Variants in ATP9B observed in about 807,000 individuals in gnomAD.
ATP9B encodes probable phospholipid-transporting ATPase IIB.
In ATP9B, 110 loss-of-function variants were observed where a neutral mutation model predicts 146.1. That is an observed-to-expected ratio of 0.75 (90% CI 0.65 to 0.88). The LOEUF is 0.88. ATP9B is among the 40% of genes least tolerant of loss of function. The probability of loss-of-function intolerance (pLI) is 0.00; values close to 1 mark genes in which losing one functional copy is unlikely to be tolerated. For synonymous variants in ATP9B, 604 were observed against 569.7 expected, an observed-to-expected ratio of 1.06 and a Z score of -0.86; for missense variants, 1,499 against 1,496.4, an observed-to-expected ratio of 1.00 and a Z score of -0.03.
chr18:79,285,517 G>T (rs1206325235), intron 13 of ATP9B, among the ~76,000 whole-genome samples: 1 of 151,990 alleles, frequency 6.6e-6, no homozygotes, highest in African/African-American at 2.4e-5. Context: ...CTGGATATTA[G>T]CCCTTTGTCA....
intron 10 of ATP9B, among the ~76,000 whole-genome samples, chr18:79,207,478 G>C (rs2095545460): frequency 6.6e-6 from 1 of 152,228 alleles, no homozygotes. Context: ...GACGATGTCA[G>C]ATGATTACCA....
intron 15 of ATP9B, among the ~76,000 whole-genome samples, chr18:79,319,465 G>T (rs994471474): frequency 6.6e-6 from 1 of 151,662 alleles, no homozygotes; most frequent in South Asian, 2.1e-4. Flanking sequence ...TTCCATAGGG[G>T]CCCCCGCCTC....
At chr18:79,311,789 C>T (rs2096653801) in intron 15 of ATP9B, among the ~76,000 whole-genome samples, 3 of 152,156 alleles carry the variant, frequency 2.0e-5, no homozygotes, top group East Asian at 1.9e-4. Context: ...TACAGTCCGT[C>T]GCCTTCCTAT....
chr18:79,096,715 A>AAG, intron 2 of ATP9B, 66 bp downstream of exon 2: 1 of 1,284,852 alleles, frequency 7.8e-7, no homozygotes, highest in Non-Finnish European at 1.1e-6. Flanking sequence ...AGCTTCTAAT[A>AAG]TACTTATTAG....
At chr18:79,278,526 C>A (rs2096339901) in intron 13 of ATP9B, among the ~76,000 whole-genome samples, 2 of 152,100 alleles carry the variant, frequency 1.3e-5, no homozygotes, top group Non-Finnish European at 2.9e-5. Flanking sequence ...CATTAATAAC[C>A]CCATCATAAG....
At chr18:79,234,813 T>G (rs190371284) in intron 11 of ATP9B, among the ~76,000 whole-genome samples, 27 of 152,356 alleles carry the variant, frequency 1.8e-4, no homozygotes, top group African/African-American at 6.3e-4. Flanking sequence ...TTCAGCTCTA[T>G]GTATAAGATT....
Position 79,191,657 on chromosome 18 carries a change from T to G in ATP9B, c.874-1526T>G, listed in dbSNP as rs541081634. On this transcript the variant is annotated intron_variant, in intron 8 of 29. Coordinates refer to ENST00000426216, the MANE Select transcript of ATP9B (RefSeq NM_198531.5). ...ATTTTGGAATTTCCATGTGCTTCTC[T>G]GTTCTTAAATACACTTTCTCTTTCT... is the stretch of plus-strand genomic sequence containing the variant. Among the ~76,000 whole-genome samples, 674 of 152,368 alleles carry G rather than the reference T, an allele frequency of 4.4e-3. 3 individuals carry two copies. Among genetic ancestry groups the G allele is most frequent in the Non-Finnish European group, 6.4e-3 (436 of 68,042 alleles).
At chr18:79,251,866 A>G (rs1012126895) in intron 11 of ATP9B, among the ~76,000 whole-genome samples, 2 of 152,132 alleles carry the variant, frequency 1.3e-5, no homozygotes, top group Admixed American at 6.5e-5. Context: ...CTCCTTTTCA[A>G]AAGTTGTTCC....
At chr18:79,268,541 TCTTAA>T (rs1324892551) in intron 12 of ATP9B, among the ~76,000 whole-genome samples, 3 of 152,186 alleles carry the variant, frequency 2.0e-5, no homozygotes, top group East Asian at 1.9e-4. Context: ...TTAAAAACCT[TCTTAA>T]CTTATCAGAG....
chr18:79,086,561 A>G (rs1321047750), intron 1 of ATP9B: 2 of 150,314 alleles, frequency 1.3e-5, no homozygotes, highest in African/African-American at 2.4e-5. Context: ...CAGAGTTGAT[A>G]GTAGGGAACA....
At chr18:79,344,496 G>C (rs534766273) in intron 21 of ATP9B, 142 bp downstream of exon 21, 17 of 788,270 alleles carry the variant, frequency 2.2e-5, no homozygotes, top group Non-Finnish European at 3.5e-5. Context: ...CTGTGTCTCT[G>C]AGGCAAGGCT....
intron 11 of ATP9B, among the ~76,000 whole-genome samples, chr18:79,236,176 T>C (rs2095839673): frequency 1.3e-5 from 2 of 152,240 alleles, no homozygotes; most frequent in Admixed American, 1.3e-4. Flanking sequence ...GTTATTTTAA[T>C]TTTAGCATTC....
intron 3 of ATP9B, among the ~76,000 whole-genome samples, chr18:79,112,067 C>G (rs1034977134): frequency 6.6e-6 from 1 of 152,170 alleles, no homozygotes; most frequent in Non-Finnish European, 1.5e-5. Flanking sequence ...TGATTATGAA[C>G]ATAAATATAT....
At chr18:79,197,388 A>G (rs1219833034) in intron 9 of ATP9B, among the ~76,000 whole-genome samples, 1 of 152,042 alleles carries the variant, frequency 6.6e-6, no homozygotes, top group Non-Finnish European at 1.5e-5. Flanking sequence ...AAATTAATGA[A>G]TTAAATAAGT....
chr18:79,092,197 T>C (rs2074378129), intron 1 of ATP9B, among the ~76,000 whole-genome samples: 1 of 152,198 alleles, frequency 6.6e-6, no homozygotes, highest in South Asian at 2.1e-4. Flanking sequence ...TCCAGAAATG[T>C]GTTTGGCAAT....
At chr18:79,328,089 T>C (rs368615823) in intron 15 of ATP9B, among the ~76,000 whole-genome samples, 1,418 of 88,652 alleles carry the variant, frequency 0.016, 40 homozygotes, top group African/African-American at 0.05. Flanking sequence ...GCGTGCTCTC[T>C]GTGGTTAGCG....
intron 7 of ATP9B, among the ~76,000 whole-genome samples, chr18:79,164,386 T>C (rs934479662): frequency 6.6e-6 from 1 of 152,140 alleles, no homozygotes. Flanking sequence ...TTAACAATGA[T>C]AATTCCCATA....
intron 9 of ATP9B, among the ~76,000 whole-genome samples, chr18:79,201,416 A>C (rs77709854): frequency 1.2e-4 from 18 of 152,294 alleles, no homozygotes; most frequent in African/African-American, 4.3e-4. Flanking sequence ...CATAAGACAA[A>C]ATATCTTTTG....
At chr18:79,110,185 TTG>T (rs1568195088) in intron 2 of ATP9B, among the ~76,000 whole-genome samples, 168 bp from the exon 3 acceptor site, 1 of 152,178 alleles carries the variant, frequency 6.6e-6, no homozygotes, top group African/African-American at 2.4e-5. Flanking sequence ...AAATTTAAAT[TTG>T]TGTAACCAAC....
Sources: gnomAD v4.1 joint callset for allele counts (sites outside exome capture counted in the v4.1 genomes callset) on GRCh38, gnomAD v4.1.1 for gene constraint, MANE v1.5 for transcripts, NCBI Gene and HGNC (gene_info 2026-07-23, HGNC 2026-07-21) for gene names.